Variants in IL4R observed in about 807,000 individuals in gnomAD.
IL4R encodes interleukin 4 receptor.
In IL4R, 17 loss-of-function variants were observed where a neutral mutation model predicts 41.5. That is an observed-to-expected ratio of 0.41 (90% confidence interval 0.28 to 0.61). The LOEUF (loss-of-function observed/expected upper bound fraction) is 0.61. IL4R is among the 20% of genes least tolerant of loss of function. IL4R has a pLI of 0.31. For synonymous variants in IL4R, 402 were observed against 422.9 expected, an observed-to-expected ratio of 0.95 and a Z score of 0.61; for missense variants, 974 against 1,043.1, an observed-to-expected ratio of 0.93 and a Z score of 0.91.
intron 8 of IL4R, 40 bp downstream of exon 8, chr16:27,355,947 A>G: frequency 7.0e-7 from 1 of 1,438,750 alleles, no homozygotes; most frequent in East Asian, 2.3e-5. Flanking sequence ...GTCCCTCTGG[A>G]GTGCAGGGTG....
In IL4R at chr16:27,363,318, G is replaced by C. The variant is rs1274955884; in HGVS notation, c.1966G>C (p.Gly656Arg). The change falls in exon 11 of 11, where the codon GGA becomes CGA. Residue 656 changes from glycine to arginine, a missense_variant. Gly to Arg is a moderately radical substitution (Grantham distance 125, BLOSUM62 -2). This residue lies in a region of IL4R where 682 missense variants were observed against 704.3 expected (regional missense o/e 0.97). Transcript: ENST00000395762. ...APVPVPLFTF[G>R]LDREPPRSPQ... ...AGTCCCTGTCCCCTTGTTCACCTTT[G>C]GACTGGACAGGGAGCCACCTCGCAG... is the stretch of plus-strand genomic sequence containing the variant. 1 of 1,612,566 alleles carries C rather than the reference G, an allele frequency of 6.2e-7. No homozygotes were observed.
chr16:27,363,377 A>C lies in IL4R; in HGVS notation c.2025A>C (p.Pro675=), dbSNP rs758065266. 8 of 1,614,122 alleles carry C rather than the reference A, an allele frequency of 5.0e-6. No individual in the cohort carries two copies. Among genetic ancestry groups the C allele is most frequent in the Non-Finnish European group, 6.8e-6 (8 of 1,180,004 alleles). The change falls in exon 11 of 11, where the codon CCA becomes CCC. Residue 675 remains proline (P), a synonymous_variant. Coordinates refer to ENST00000395762, the MANE Select transcript of IL4R (RefSeq NM_000418.4). ...GCTCACATCTCCCAAGCAGCTCCCC[A>C]GAGCACCTGGGTCTGGAGCCGGGGG... ...PQSSHLPSSS[P]EHLGLEPGEK...
chr16:27,317,337 G>C (rs2084678404), intron 1 of IL4R, among the ~76,000 whole-genome samples: 2 of 152,190 alleles, frequency 1.3e-5, no homozygotes, highest in African/African-American at 4.8e-5. Flanking sequence ...CTGAGGGACA[G>C]ACTCCATCCT....
intron 1 of IL4R, among the ~76,000 whole-genome samples, chr16:27,320,140 T>TA (rs760296744): frequency 1.3e-5 from 2 of 152,170 alleles, no homozygotes; most frequent in Admixed American, 6.6e-5. Flanking sequence ...GTGCTGGGAT[T>TA]ACAGGCATGA....
chr16:27,349,072 T>A (rs2085771810), intron 6 of IL4R, among the ~76,000 whole-genome samples: 1 of 152,200 alleles, frequency 6.6e-6, no homozygotes, highest in South Asian at 2.1e-4. Context: ...ATACCCCATC[T>A]CTCCCTTCCC....
chr16:27,348,529 A>G (rs1596517061), intron 6 of IL4R, among the ~76,000 whole-genome samples: 1 of 152,200 alleles, frequency 6.6e-6, no homozygotes, highest in South Asian at 2.1e-4. Flanking sequence ...CTTCGTTTTT[A>G]GGCAGGCTCT....
intron 1 of IL4R, among the ~76,000 whole-genome samples, chr16:27,329,125 T>C (rs1427248508): frequency 6.6e-6 from 1 of 152,028 alleles, no homozygotes; most frequent in Non-Finnish European, 1.5e-5. Context: ...TGTTTAGAAG[T>C]GTGCGGCACC....
Position 27,362,848 on chromosome 16 carries a change from G to T in IL4R, c.1496G>T (p.Ser499Ile). 6.2e-7 allele frequency: 1 copy of T among 1,614,120 alleles called. No individual in the cohort carries two copies. Among genetic ancestry groups the T allele is most frequent in the Non-Finnish European group, 8.5e-7 (1 of 1,180,026 alleles). ...LVIAGNPAYR[S>I]FSNSLSQSPC... ...ATCGCAGGCAACCCTGCTTACCGCA[G>T]CTTCAGCAACTCCCTGAGCCAGTCA... The change falls in exon 11 of 11, where the codon AGC becomes ATC. Residue 499 changes from serine to isoleucine, a missense_variant. By Grantham distance (142) the Ser-to-Ile change is moderately radical. Around this residue, in one of 3 missense-constraint regions of IL4R, gnomAD observed 682 missense variants for 704.3 expected, o/e 0.97. Coordinates refer to ENST00000395762, the MANE Select transcript of IL4R (RefSeq NM_000418.4).
intron 8 of IL4R, among the ~76,000 whole-genome samples, chr16:27,356,446 A>G (rs188266150): frequency 5.3e-5 from 8 of 152,264 alleles, no homozygotes; most frequent in African/African-American, 1.7e-4. Context: ...AATACATATC[A>G]ATCACAAACA....
At chr16:27,343,961 C>T (rs935729750) in intron 4 of IL4R, among the ~76,000 whole-genome samples, 3 of 152,118 alleles carry the variant, frequency 2.0e-5, no homozygotes, top group African/African-American at 4.8e-5. Flanking sequence ...GACTTCACCA[C>T]TAGGCAGCAT....
chr16:27,362,453 C>T lies in IL4R; in HGVS notation c.1101C>T (p.Ala367=). The change falls in exon 11 of 11, where the codon GCC becomes GCT. Residue 367 remains alanine, a synonymous_variant. Coordinates refer to ENST00000395762, the MANE Select transcript of IL4R (RefSeq NM_000418.4). ...SVVRCVELFE[A]PVECEEEEEV... Reference sequence around the variant, plus strand: ...TGCGATGTGTGGAGTTGTTTGAGGCCCCGGTGGAGTGTGAGGAGGAGGAGG... The same window carrying T: ...TGCGATGTGTGGAGTTGTTTGAGGCTCCGGTGGAGTGTGAGGAGGAGGAGG... 2 of 1,613,982 alleles carry T rather than the reference C, an allele frequency of 1.2e-6. No individual in the cohort carries two copies. The highest frequency in any genetic ancestry group is 1.7e-6 in the Non-Finnish European group (2 of 1,180,018).
At chr16:27,339,341 T>C (rs2085363446) in intron 2 of IL4R, among the ~76,000 whole-genome samples, 2 of 152,106 alleles carry the variant, frequency 1.3e-5, no homozygotes, top group South Asian at 4.1e-4. Flanking sequence ...TTACCTGCTC[T>C]AAGGTATTTT....
intron 2 of IL4R, among the ~76,000 whole-genome samples, chr16:27,336,369 A>C (rs1337133525): frequency 2.0e-5 from 3 of 152,102 alleles, no homozygotes; most frequent in Non-Finnish European, 4.4e-5. Context: ...AGGGGAAGAG[A>C]GGAAAAGCAC....
chr16:27,341,355 A>C, intron 3 of IL4R: 1 of 598,622 alleles, frequency 1.7e-6, no homozygotes, highest in East Asian at 2.8e-5. Context: ...AGTTTTGGAC[A>C]TGAGATAAGC....
At chr16:27,341,249 G>T in intron 3 of IL4R, 2 of 657,226 alleles carry the variant, frequency 3.0e-6, no homozygotes, top group South Asian at 3.3e-5. Flanking sequence ...CAAGATTTCT[G>T]ACCTAAACTA....
intron 9 of IL4R, 40 bp from the exon 10 acceptor site, chr16:27,360,726 A>G: frequency 6.2e-7 from 1 of 1,613,820 alleles, no homozygotes; most frequent in Non-Finnish European, 8.5e-7. Context: ...CCGGGCTGCA[A>G]GGCCACTCTG....
intron 6 of IL4R, among the ~76,000 whole-genome samples, chr16:27,351,039 G>T (rs1373862712): frequency 6.6e-6 from 1 of 152,216 alleles, no homozygotes; most frequent in East Asian, 1.9e-4. Flanking sequence ...TTGGGAGTCT[G>T]GACATAGCTT....
chr16:27,361,019 A>AGGTACATG, intron 10 of IL4R: 1 of 1,454,924 alleles, frequency 6.9e-7, no homozygotes, highest in Non-Finnish European at 9.1e-7. Context: ...CTGGTGTGTC[A>AGGTACATG]GGTACATGGT....
At chr16:27,334,128 T>C (rs1446651221) in intron 2 of IL4R, among the ~76,000 whole-genome samples, 1 of 152,106 alleles carries the variant, frequency 6.6e-6, no homozygotes, top group East Asian at 1.9e-4. Context: ...ATGATCTGCC[T>C]GCCTCAGCCT....
Sources: allele counts gnomAD v4.1 joint callset (sites outside exome capture counted in the v4.1 genomes callset), GRCh38; gene constraint gnomAD v4.1.1; regional missense constraint gnomAD v4.1.1; transcripts MANE v1.5; gene names NCBI Gene and HGNC (gene_info 2026-07-23, HGNC 2026-07-21).